Variants in RGMB observed in about 807,000 individuals in gnomAD.
RGMB encodes repulsive guidance molecule BMP co-receptor b, also known as repulsive guidance molecule B.
In RGMB, 16 loss-of-function variants were observed where a neutral mutation model predicts 26.9. The observed-to-expected ratio is 0.60, with a 90% CI of 0.40 to 0.90. The LOEUF (loss-of-function observed/expected upper bound fraction) is 0.90, where lower values mean the gene tolerates loss of function less well. Ranked by LOEUF, RGMB falls within the 40% of genes least tolerant of loss-of-function variation. The pLI, the probability that RGMB is intolerant of heterozygous loss-of-function variation, is 0.00. For synonymous variants in RGMB, 225 were observed against 229.3 expected, an observed-to-expected ratio of 0.98 and a Z score of 0.17; for missense variants, 512 against 573.3, an observed-to-expected ratio of 0.89 and a Z score of 1.09.
At chr5:98,773,160 G>T (rs77084145), upstream of RGMB, 9 of 152,166 alleles carry the variant, frequency 5.9e-5, no homozygotes, top group Admixed American at 3.9e-4. Context: ...CTGCCGCGCG[G>T]CGCTCTGTAA....
chr5:98,785,019 A>G (rs1746729548), intron 2 of RGMB, among the ~76,000 whole-genome samples: 1 of 152,174 alleles, frequency 6.6e-6, no homozygotes. Context: ...TGCATGGGTA[A>G]TTCTTGGCAT....
chr5:98,770,586 TCTCACACCCAGGTCCTG>T, upstream of RGMB: 1 of 1,278,116 alleles, frequency 7.8e-7, no homozygotes, highest in Non-Finnish European at 1.0e-6. Context: ...GGGACTCTTC[TCTCACACCCAGGTCCTG>T]CGTGTTCCGA....
rs1554068936 is a variant in RGMB at position 98,793,779 on chromosome 5, A to T, written c.*26A>T. 6.7e-7 allele frequency: 1 copy of T among 1,487,958 alleles called. No individual in the cohort carries two copies. The highest frequency in any genetic ancestry group is 8.9e-7 in the Non-Finnish European group (1 of 1,118,226). The allele number at this position is 1,487,958 out of a possible 1,614,324, so 92.2% of individuals were successfully genotyped here. A position where few individuals can be genotyped will look rare whatever the true frequency, so the allele number is the denominator to read the frequency against. On this transcript the variant is annotated 3_prime_UTR_variant, in exon 3 of 3. Transcript: ENST00000513185. The stretch of plus-strand genomic sequence containing the variant: ...GGGTTGTCTTTTGTTTTGGTTTTTT[A>T]TTTTTTGTCTATAACAAAATTTTAA...
Position 98,794,212 on chromosome 5 carries a change from G to A in RGMB, c.*459G>A, listed in dbSNP as rs7705786. On this transcript the variant is annotated 3_prime_UTR_variant, in exon 3 of 3. Coordinates refer to ENST00000513185, the MANE Select transcript of RGMB (RefSeq NM_001366508.1). ...GTGCAGCTTTTACTCGCCACCTTCC[G>A]GTGGAGCTGCCTCGTTCCTTTGAAC... 12,403 of 153,300 alleles carry A rather than the reference G, an allele frequency of 0.081. 649 individuals are homozygous for A. The highest frequency in any genetic ancestry group is 0.15 in the African/African-American group (6,209 of 41,446). 9.5% of individuals were successfully genotyped at this position (153,300 alleles called of 1,614,324 possible).
intron 2 of RGMB, among the ~76,000 whole-genome samples, chr5:98,791,241 A>G (rs999773931): frequency 6.6e-6 from 1 of 152,220 alleles, no homozygotes; most frequent in Admixed American, 6.5e-5. Context: ...CAGCATTTTC[A>G]TAGTACATTG....
upstream of RGMB, chr5:98,769,702 T>C (rs1032735315): frequency 6.5e-6 from 1 of 153,322 alleles, no homozygotes; most frequent in African/African-American, 2.4e-5. Flanking sequence ...CGGCCGGGAC[T>C]GTTTTGTTTA....
At chr5:98,787,268 C>A (rs1746791976) in intron 2 of RGMB, among the ~76,000 whole-genome samples, 1 of 152,064 alleles carries the variant, frequency 6.6e-6, no homozygotes, top group African/African-American at 2.4e-5. Flanking sequence ...ATCTTCAAGC[C>A]CTTTTACTTT....
At chr5:98,782,496 A>T (rs1193317730) in intron 2 of RGMB, among the ~76,000 whole-genome samples, 1 of 152,188 alleles carries the variant, frequency 6.6e-6, no homozygotes, top group Admixed American at 6.5e-5. Flanking sequence ...TTTCATGGAA[A>T]TCCCAGCTTT....
intron 1 of RGMB, among the ~76,000 whole-genome samples, chr5:98,775,796 C>T (rs919710733): frequency 1.3e-5 from 2 of 152,180 alleles, no homozygotes; most frequent in African/African-American, 4.8e-5. Flanking sequence ...TTTAAGTCAC[C>T]ATTAGATTCA....
chr5:98,774,167 C>T lies in RGMB; in HGVS notation c.97C>T (p.Leu33=), dbSNP rs372422985. Residue 33 remains leucine, a synonymous_variant, in exon 1 of 3, where the codon CTG becomes TTG. Transcript: ENST00000513185. ...PGLCPPPLEL[L]LLLLFSLGLL... is the part of the protein sequence containing the mutation. ...GCTCTGCCCCCCGCCGCTGGAGCTG[C>T]TGCTGCTGCTGCTGTTCAGCCTCGG... 9.4e-6 allele frequency: 14 copies of T among 1,496,882 alleles called. No homozygotes were observed. Among genetic ancestry groups the T allele is most frequent in the South Asian group, 3.7e-5 (3 of 80,120 alleles). The allele number at this position is 1,496,882 out of a possible 1,614,324, so 92.7% of individuals were successfully genotyped here.
At chr5:98,775,664 C>T (rs1389532142) in intron 1 of RGMB, among the ~76,000 whole-genome samples, 2 of 152,010 alleles carry the variant, frequency 1.3e-5, no homozygotes, top group African/African-American at 4.8e-5. Flanking sequence ...GAATGTGGTC[C>T]CTGAAGGTTT....
chr5:98,791,666 G>A (rs1168763927), intron 2 of RGMB, among the ~76,000 whole-genome samples: 2 of 152,152 alleles, frequency 1.3e-5, no homozygotes, highest in African/African-American at 4.8e-5. Flanking sequence ...AGAAGGAAGA[G>A]AGAACCCTGT....
At chr5:98,781,681 A>G (rs1561441441) in intron 2 of RGMB, among the ~76,000 whole-genome samples, 2 of 152,234 alleles carry the variant, frequency 1.3e-5, no homozygotes, top group Non-Finnish European at 2.9e-5. Flanking sequence ...ATAGAGATTA[A>G]TCAGAGCTTG....
Position 98,796,368 on chromosome 5 carries a change from C to G in RGMB, c.*2615C>G, listed in dbSNP as rs1011099632. ...CCCCCAACAGTGTGTCGAGTCTTTGCAAAGAAACCTTTAGATGTGGTTCAT... is the reference window on the plus strand; with the variant it reads ...CCCCCAACAGTGTGTCGAGTCTTTGGAAAGAAACCTTTAGATGTGGTTCAT... On this transcript the variant is annotated 3_prime_UTR_variant, in exon 3 of 3. Coordinates refer to ENST00000513185, the MANE Select transcript of RGMB (RefSeq NM_001366508.1). 1 of 136,622 alleles carries G rather than the reference C, an allele frequency of 7.3e-6. No homozygotes were observed. Among genetic ancestry groups the G allele is most frequent in the Non-Finnish European group, 1.6e-5 (1 of 64,388 alleles). 8.5% of individuals were successfully genotyped at this position (136,622 alleles called of 1,614,324 possible). A position where few individuals can be genotyped will look rare whatever the true frequency, so the allele number is the denominator to read the frequency against.
In RGMB at chr5:98,773,819, C is replaced by A. The variant is rs904670377; in HGVS notation, c.-252C>A. 6.5e-6 allele frequency: 3 copies of A among 464,122 alleles called. No homozygotes were observed. The highest frequency in any genetic ancestry group is 4.5e-5 in the Admixed American group (1 of 22,400). The allele number at this position is 464,122 out of a possible 1,614,324, so 28.8% of individuals were successfully genotyped here. A position where few individuals can be genotyped will look rare whatever the true frequency, so the allele number is the denominator to read the frequency against. On this transcript the variant is annotated 5_prime_UTR_variant, in exon 1 of 3. Coordinates refer to ENST00000513185, the MANE Select transcript of RGMB (RefSeq NM_001366508.1). Reference sequence around the variant, plus strand: ...ACGGTCTTTGTGTCTTCTCTTCCGCCCCTTTCCCTGCCTGCCGCCTCCGGC... The same window carrying A: ...ACGGTCTTTGTGTCTTCTCTTCCGCACCTTTCCCTGCCTGCCGCCTCCGGC...
chr5:98,769,508 C>A (rs979434072), upstream of RGMB: 7 of 152,332 alleles, frequency 4.6e-5, no homozygotes, highest in Non-Finnish European at 1.5e-5. Context: ...CGCGCTGCCC[C>A]CCACCTGGGG....
intron 2 of RGMB, among the ~76,000 whole-genome samples, chr5:98,787,275 CT>C (rs1282085328): frequency 6.6e-6 from 1 of 152,072 alleles, no homozygotes; most frequent in Non-Finnish European, 1.5e-5. Flanking sequence ...AGCCCTTTTA[CT>C]TTTTTTGCTC....
At chr5:98,786,126 A>G (rs2545677) in intron 2 of RGMB, among the ~76,000 whole-genome samples, 16,909 of 152,300 alleles carry the variant, frequency 0.11, 1,129 homozygotes, top group Middle Eastern at 0.21. Context: ...CCTTTGTTTC[A>G]TTCATACACA....
At chr5:98,783,380 G>C (rs1242737666) in intron 2 of RGMB, among the ~76,000 whole-genome samples, 1 of 152,218 alleles carries the variant, frequency 6.6e-6, no homozygotes, top group Non-Finnish European at 1.5e-5. Context: ...CACTCAGAAT[G>C]AGATGAGAGG....
Sources: gnomAD v4.1 joint callset for allele counts (sites outside exome capture counted in the v4.1 genomes callset) on GRCh38, gnomAD v4.1.1 for gene constraint, MANE v1.5 for transcripts, NCBI Gene and HGNC (gene_info 2026-07-23, HGNC 2026-07-21) for gene names.